The following COL21A1 variants were observed in gnomAD, a reference collection of about 807,000 sequenced individuals.
The protein encoded by COL21A1 is collagen alpha-1(XXI) chain.
Under a neutral mutation model 137.9 loss-of-function variants are expected in COL21A1, and 149 were observed. The observed-to-expected ratio is 1.08, with a 90% CI of 0.95 to 1.24. The LOEUF (loss-of-function observed/expected upper bound fraction) is 1.24, where lower values mean the gene tolerates loss of function less well. COL21A1 is among the 50% of genes most tolerant of loss of function. COL21A1 has a pLI of 0.00. For synonymous variants in COL21A1, 456 were observed against 391.5 expected, an observed-to-expected ratio of 1.16 and a Z score of -1.95; for missense variants, 1,167 against 1,158.4, an observed-to-expected ratio of 1.01 and a Z score of -0.11.
intron 1 of COL21A1, among the ~76,000 whole-genome samples, chr6:56,364,243 T>TG (rs1766046599): frequency 6.6e-6 from 1 of 152,024 alleles, no homozygotes; most frequent in African/African-American, 2.4e-5. Context: ...TAATGGATCC[T>TG]GGCAGAAGTA....
At chr6:56,335,808 T>C (rs1049155900) in intron 1 of COL21A1, among the ~76,000 whole-genome samples, 2 of 152,230 alleles carry the variant, frequency 1.3e-5, no homozygotes, top group Non-Finnish European at 2.9e-5. Context: ...CAGGCTGAGC[T>C]ACCTACAGGG....
intron 1 of COL21A1, among the ~76,000 whole-genome samples, chr6:56,255,337 GTGT>G (rs1562026469): frequency 2.7e-4 from 7 of 25,904 alleles, no homozygotes; most frequent in South Asian, 6.3e-3. Context: ...TTAAGAGGGT[GTGT>G]GTGTGTGTGT....
At chr6:56,218,923 G>A (rs1262227330) in intron 1 of COL21A1, among the ~76,000 whole-genome samples, 1 of 152,024 alleles carries the variant, frequency 6.6e-6, no homozygotes, top group African/African-American at 2.4e-5. Flanking sequence ...ATAACTACAT[G>A]AGAAGTTGCT....
intron 1 of COL21A1, among the ~76,000 whole-genome samples, chr6:56,279,878 T>C (rs1763752988): frequency 6.6e-6 from 1 of 152,180 alleles, no homozygotes; most frequent in Non-Finnish European, 1.5e-5. Flanking sequence ...CCTTCAGTAA[T>C]CTAGGTTAAT....
rs1286335333 is a variant in COL21A1, at chr6:56,178,463, C to T, written c.640+1115G>A. 2.0e-5 allele frequency among the ~76,000 whole-genome samples: 3 copies of T among 152,042 alleles called. No individual in the cohort carries two copies. In the East Asian group the frequency reaches 5.8e-4, roughly 29 times the overall value. ...AAAAGTTTTTCTCTACCATATCCCACAAGCAAATATGAAGAAAACAGAGGA... is the reference window on the plus strand; with the variant it reads ...AAAAGTTTTTCTCTACCATATCCCATAAGCAAATATGAAGAAAACAGAGGA... On this transcript the variant is annotated intron_variant, in intron 3 of 29. Transcript: ENST00000244728.
chr6:56,219,371 A>G (rs1265032328), intron 1 of COL21A1, among the ~76,000 whole-genome samples: 1 of 152,016 alleles, frequency 6.6e-6, no homozygotes, highest in Admixed American at 6.6e-5. Context: ...GAAAACTGCA[A>G]TGCCTGCAGC....
chr6:56,107,372 C>T (rs1771042038), intron 16 of COL21A1, among the ~76,000 whole-genome samples: 1 of 150,496 alleles, frequency 6.6e-6, no homozygotes, highest in South Asian at 2.1e-4. Context: ...GAGATACAAA[C>T]CAAAAAAAAG....
intron 1 of COL21A1, among the ~76,000 whole-genome samples, chr6:56,372,552 A>C (rs2093991382): frequency 6.6e-6 from 1 of 152,204 alleles, no homozygotes; most frequent in African/African-American, 2.4e-5. Context: ...GCACCATATA[A>C]GGCAGGAATT....
At chr6:56,331,356 G>A (rs1765220385) in intron 1 of COL21A1, among the ~76,000 whole-genome samples, 1 of 151,314 alleles carries the variant, frequency 6.6e-6, no homozygotes, top group African/African-American at 2.4e-5. Flanking sequence ...TCTTTCTTAG[G>A]CCAATGTCCA....
chr6:56,134,229 A>G (rs535062823), intron 12 of COL21A1, among the ~76,000 whole-genome samples: 2 of 152,324 alleles, frequency 1.3e-5, no homozygotes, highest in East Asian at 1.9e-4. Flanking sequence ...TTCTTGCATC[A>G]GCATGACCTG....
intron 1 of COL21A1, among the ~76,000 whole-genome samples, chr6:56,217,021 A>G (rs1925144): frequency 0.64 from 96,661 of 151,874 alleles, 31,050 homozygotes; most frequent in East Asian, 0.86. Context: ...TCAAATGTTA[A>G]AATTCTAATA....
At chr6:56,244,274 G>A (rs905396752) in intron 1 of COL21A1, among the ~76,000 whole-genome samples, 3 of 152,072 alleles carry the variant, frequency 2.0e-5, no homozygotes, top group Admixed American at 6.6e-5. Context: ...ATTCCTAGTT[G>A]GCCATTCACT....
In COL21A1 at chr6:56,064,600, C is replaced by G. The variant is rs754049686; in HGVS notation, c.2150G>C (p.Arg717Thr). 6.3e-7 allele frequency: 1 copy of G among 1,594,940 alleles called. No homozygotes were observed. The highest frequency in any genetic ancestry group is 8.6e-7 in the Non-Finnish European group (1 of 1,169,578). ...TACCTGTTGCCCTGGAATTCCCTGT[C>G]TTCCATTTTCTCCCTTTTGACCCTT... is the stretch of plus-strand genomic sequence containing the variant. Reference protein sequence around the residue: ...GIQGQKGENGRQGIPGQQGIQ... With the variant: ...GIQGQKGENGTQGIPGQQGIQ... Residue 717 changes from arginine to threonine, a missense_variant, in exon 24 of 30, where the codon AGA (arginine) becomes ACA (threonine). Coordinates refer to ENST00000244728, the MANE Select transcript of COL21A1 (RefSeq NM_030820.4).
intron 1 of COL21A1, among the ~76,000 whole-genome samples, chr6:56,260,378 T>C (rs931330653): frequency 1.3e-5 from 2 of 150,356 alleles, no homozygotes; most frequent in Non-Finnish European, 3.0e-5. Context: ...AGGTCAGGAG[T>C]TTGGGACCAG....
rs921236294 is a variant in COL21A1, at chr6:56,063,658, C to T, written c.2172+920G>A. Among the ~76,000 whole-genome samples the T allele has an allele frequency of 3.9e-5, 6 of 152,208 alleles. No homozygotes were observed. In the South Asian group the frequency reaches 1.0e-3, roughly 26 times the overall value. ...CATCTGGCACTCCCCTTCCATCCCA[C>T]GTTGCAGATAACCTTGGGGCCCTAT... On this transcript the variant is annotated intron_variant, in intron 24 of 29. Transcript: ENST00000244728.
chr6:56,238,430 TAAAAAAAAAAA>T (rs548005509), intron 1 of COL21A1, among the ~76,000 whole-genome samples: 1 of 91,538 alleles, frequency 1.1e-5, no homozygotes, highest in Non-Finnish European at 2.3e-5. Context: ...GCAGTCTTCT[TAAAAAAAAAAA>T]AAAAAAAAAA....
intron 7 of COL21A1, 151 bp downstream of exon 7, chr6:56,166,755 G>C (rs1364320550): frequency 2.8e-6 from 2 of 714,766 alleles, no homozygotes; most frequent in Non-Finnish European, 2.5e-6. Context: ...CTCAAAATAT[G>C]TTTTGCTTCA....
At chr6:56,208,538 G>A (rs1264098185) in intron 1 of COL21A1, among the ~76,000 whole-genome samples, 2 of 152,114 alleles carry the variant, frequency 1.3e-5, no homozygotes, top group African/African-American at 2.4e-5. Context: ...CACAACAAAT[G>A]GAAAAACATT....
chr6:56,067,249 C>T, intron 23 of COL21A1, 46 bp downstream of exon 23: 2 of 1,477,636 alleles, frequency 1.4e-6, no homozygotes, highest in Non-Finnish European at 9.4e-7. Context: ...TTTTTAAAAG[C>T]TCTGATTTTA....
Sources: gnomAD v4.1 joint callset for allele counts (sites outside exome capture counted in the v4.1 genomes callset) on GRCh38, gnomAD v4.1.1 for gene constraint, MANE v1.5 for transcripts, NCBI Gene and HGNC (gene_info 2026-07-23, HGNC 2026-07-21) for gene names.